The following MAPKAPK2 variants were observed in gnomAD, a reference collection of about 807,000 sequenced individuals.
The protein encoded by MAPKAPK2 is MAPK activated protein kinase 2, also known as MAP kinase-activated protein kinase 2.
Under a neutral mutation model 48.8 loss-of-function variants are expected in MAPKAPK2, and 9 were observed. That is an observed-to-expected ratio of 0.18 (90% CI 0.11 to 0.32). The LOEUF (loss-of-function observed/expected upper bound fraction) is 0.32. Ranked by LOEUF, MAPKAPK2 falls within the 10% of genes least tolerant of loss-of-function variation. MAPKAPK2 has a pLI of 1.00. For synonymous variants in MAPKAPK2, 202 were observed against 190.6 expected (o/e 1.06, Z -0.49); for missense variants, 331 against 498.3 (o/e 0.66, Z 3.20).
intron 1 of MAPKAPK2, among the ~76,000 whole-genome samples, chr1:206,691,311 C>T (rs559443436): frequency 3.8e-4 from 57 of 151,916 alleles, no homozygotes; most frequent in African/African-American, 1.2e-3. Flanking sequence ...GCTCCACTAA[C>T]GCATCAGCTA....
chr1:206,698,106 C>T (rs1463922122), intron 1 of MAPKAPK2, among the ~76,000 whole-genome samples: 2 of 152,248 alleles, frequency 1.3e-5, no homozygotes, highest in African/African-American at 4.8e-5. Flanking sequence ...TCAGTTTCTG[C>T]AGGACAGTGT....
chr1:206,720,030 G>A (rs77658983), intron 1 of MAPKAPK2, among the ~76,000 whole-genome samples: 5,981 of 152,218 alleles, frequency 0.039, 264 homozygotes, highest in African/African-American at 0.1. Flanking sequence ...GGCACTCCGG[G>A]GTTTCACTGA....
chr1:206,723,273 G>GC (rs1198896757), intron 1 of MAPKAPK2, among the ~76,000 whole-genome samples: 3 of 152,106 alleles, frequency 2.0e-5, no homozygotes, highest in Non-Finnish European at 2.9e-5. Context: ...AATCCCAGTT[G>GC]CCCCCCCCAG....
chr1:206,707,203 C>CTG (rs1202924770), intron 1 of MAPKAPK2, among the ~76,000 whole-genome samples: 2 of 152,106 alleles, frequency 1.3e-5, no homozygotes, highest in East Asian at 3.9e-4. Context: ...GTGATGACCA[C>CTG]AGTCATTCCA....
intron 1 of MAPKAPK2, among the ~76,000 whole-genome samples, chr1:206,697,552 C>T (rs781994355): frequency 2.0e-5 from 3 of 152,010 alleles, no homozygotes; most frequent in Admixed American, 6.6e-5. Context: ...GGGAGGCCCT[C>T]GACTCTTTTT....
intron 1 of MAPKAPK2, among the ~76,000 whole-genome samples, chr1:206,690,687 A>G (rs1185270564): frequency 1.3e-5 from 2 of 152,256 alleles, no homozygotes; most frequent in Non-Finnish European, 2.9e-5. Flanking sequence ...GGGAGGGGCC[A>G]AAGCTCCTGT....
chr1:206,700,285 C>T (rs1481196988), intron 1 of MAPKAPK2, among the ~76,000 whole-genome samples: 1 of 152,118 alleles, frequency 6.6e-6, no homozygotes, highest in Non-Finnish European at 1.5e-5. Flanking sequence ...CTTTGTCCTC[C>T]AGGTGAGAGA....
At chr1:206,729,585 C>T in intron 4 of MAPKAPK2, 110 bp downstream of exon 4, 1 of 926,408 alleles carries the variant, frequency 1.1e-6, no homozygotes, top group Non-Finnish European at 1.7e-6. Flanking sequence ...TGCCTGGTTC[C>T]TGAGCATGCC....
intron 1 of MAPKAPK2, among the ~76,000 whole-genome samples, chr1:206,727,862 A>G (rs1416875533): frequency 6.6e-6 from 1 of 152,044 alleles, no homozygotes; most frequent in African/African-American, 2.4e-5. Flanking sequence ...TGACCTCGTG[A>G]TCTGCCTGCC....
intron 1 of MAPKAPK2, among the ~76,000 whole-genome samples, chr1:206,687,903 A>T (rs1292289756): frequency 6.6e-6 from 1 of 152,244 alleles, no homozygotes; most frequent in African/African-American, 2.4e-5. Context: ...GCAGGAGCCC[A>T]GCCTCTGCTG....
intron 1 of MAPKAPK2, among the ~76,000 whole-genome samples, chr1:206,709,344 A>G (rs1034460994): frequency 6.6e-5 from 10 of 152,148 alleles, no homozygotes; most frequent in African/African-American, 2.2e-4. Context: ...CTCTGGAAGT[A>G]TAATACTCTT....
intron 1 of MAPKAPK2, among the ~76,000 whole-genome samples, chr1:206,719,810 C>T (rs1414417658): frequency 6.6e-6 from 1 of 152,238 alleles, no homozygotes; most frequent in East Asian, 1.9e-4. Flanking sequence ...GAAGGATTCT[C>T]CCTTAAACCA....
chr1:206,700,713 T>C (rs1553427796), intron 1 of MAPKAPK2, among the ~76,000 whole-genome samples: 1 of 152,236 alleles, frequency 6.6e-6, no homozygotes, highest in African/African-American at 2.4e-5. Context: ...CATAGCTTGC[T>C]TTCTCTCTTT....
At chr1:206,718,546 A>AAT (rs1673415233) in intron 1 of MAPKAPK2, among the ~76,000 whole-genome samples, 1 of 151,932 alleles carries the variant, frequency 6.6e-6, no homozygotes, top group South Asian at 2.1e-4. Flanking sequence ...AAAAAAAAAA[A>AAT]AAAAAAAATA....
intron 1 of MAPKAPK2, among the ~76,000 whole-genome samples, chr1:206,691,307 C>G (rs1672446524): frequency 6.6e-6 from 1 of 151,840 alleles, no homozygotes; most frequent in African/African-American, 2.4e-5. Context: ...CTGAGCTCCA[C>G]TAACGCATCA....
At chr1:206,699,755 G>T (rs998624703) in intron 1 of MAPKAPK2, among the ~76,000 whole-genome samples, 4 of 152,162 alleles carry the variant, frequency 2.6e-5, no homozygotes, top group Non-Finnish European at 4.4e-5. Context: ...AGGGAGACAG[G>T]GAGGCCGTGT....
chr1:206,709,865 C>G (rs1251848614), intron 1 of MAPKAPK2, among the ~76,000 whole-genome samples: 4 of 152,118 alleles, frequency 2.6e-5, no homozygotes, highest in African/African-American at 9.7e-5. Context: ...CCAGTTGCAA[C>G]CATCTATCTA....
At chr1:206,686,154 C>T (rs1238723772) in intron 1 of MAPKAPK2, among the ~76,000 whole-genome samples, 4 of 152,224 alleles carry the variant, frequency 2.6e-5, no homozygotes, top group East Asian at 3.9e-4. Flanking sequence ...CCTCAGCTGG[C>T]CCCCTCCCAC....
At chr1:206,724,873 AG>A (rs1673656231) in intron 1 of MAPKAPK2, among the ~76,000 whole-genome samples, 1 of 152,206 alleles carries the variant, frequency 6.6e-6, no homozygotes. Context: ...TGGGCAGATA[AG>A]GCATAAATAT....
Sources: allele counts gnomAD v4.1 joint callset (sites outside exome capture counted in the v4.1 genomes callset), GRCh38; gene constraint gnomAD v4.1.1; transcripts MANE v1.5; gene names NCBI Gene and HGNC (gene_info 2026-07-23, HGNC 2026-07-21).